The following UNC13C variants were observed in gnomAD, a reference collection of about 807,000 sequenced individuals.
The protein encoded by UNC13C is unc-13 homolog C, also known as protein unc-13 homolog C.
Under a neutral mutation model 245.4 loss-of-function variants are expected in UNC13C, and 174 were observed. The ratio of observed to expected loss-of-function variants is 0.71; its 90% CI spans 0.63 to 0.80. The LOEUF (loss-of-function observed/expected upper bound fraction) is 0.80, where lower values mean the gene tolerates loss of function less well. UNC13C is among the 30% of genes least tolerant of loss of function. The pLI is 0.00. For missense variants in UNC13C, 2,829 were observed against 2,602.9 expected, an observed-to-expected ratio of 1.09 and a Z score of -1.89; for synonymous variants, 992 against 895.1, an observed-to-expected ratio of 1.11 and a Z score of -1.93.
At chr15:54,416,997 C>G in intron 19 of UNC13C, 1 of 456,464 alleles carries the variant, frequency 2.2e-6, no homozygotes. Flanking sequence ...CTGACACCTC[C>G]TCAGAGAAGA....
chr15:54,382,387 G>T (rs1253113676), intron 17 of UNC13C, among the ~76,000 whole-genome samples: 1 of 152,044 alleles, frequency 6.6e-6, no homozygotes, highest in East Asian at 1.9e-4. Context: ...CCAGGAGTTT[G>T]AGACAAGCCT....
intron 30 of UNC13C, among the ~76,000 whole-genome samples, chr15:54,589,644 C>T (rs1898677020): frequency 6.6e-6 from 1 of 150,926 alleles, no homozygotes; most frequent in African/African-American, 2.5e-5. Flanking sequence ...ATGTCTTTAG[C>T]CCACTTTTTC....
At chr15:54,108,632 A>G (rs924257416) in intron 2 of UNC13C, among the ~76,000 whole-genome samples, 1 of 152,198 alleles carries the variant, frequency 6.6e-6, no homozygotes, top group Admixed American at 6.5e-5. Context: ...TTTTTCCCAT[A>G]GCACATAGAT....
intron 7 of UNC13C, 129 bp from the exon 8 acceptor site, chr15:54,250,096 A>G: frequency 1.2e-6 from 1 of 818,386 alleles, no homozygotes; most frequent in Non-Finnish European, 2.0e-6. Context: ...TCATGACTTG[A>G]ATCAGTGATC....
intron 17 of UNC13C, among the ~76,000 whole-genome samples, chr15:54,347,572 C>A (rs1472216864): frequency 6.6e-6 from 1 of 152,112 alleles, no homozygotes; most frequent in Non-Finnish European, 1.5e-5. Flanking sequence ...TAACTAAAAA[C>A]AGGAACAAAC....
intron 13 of UNC13C, among the ~76,000 whole-genome samples, chr15:54,300,977 C>T (rs1030691369): frequency 3.8e-5 from 5 of 130,174 alleles, no homozygotes; most frequent in African/African-American, 1.7e-4. Flanking sequence ...TGTGATACCA[C>T]AGAATTAACT....
chr15:54,625,409 A>T (rs1384611788), intron 32 of UNC13C, among the ~76,000 whole-genome samples: 2 of 152,148 alleles, frequency 1.3e-5, no homozygotes, highest in Non-Finnish European at 2.9e-5. Context: ...ATCAAAGATG[A>T]TCCCTAAGTT....
At chr15:54,062,800 AT>A (rs1897903788) in intron 2 of UNC13C, among the ~76,000 whole-genome samples, 1 of 152,174 alleles carries the variant, frequency 6.6e-6, no homozygotes, top group Non-Finnish European at 1.5e-5. Flanking sequence ...TCCTCCATAA[AT>A]TTTGGGACCT....
rs1468530323 is a variant in UNC13C at position 54,623,935 on chromosome 15, T to C, written c.6340T>C (p.Tyr2114His). 1 of 1,613,158 alleles carries C rather than the reference T, an allele frequency of 6.2e-7. No individual in the cohort carries two copies. The highest frequency in any genetic ancestry group is 8.5e-7 in the Non-Finnish European group (1 of 1,179,326). The part of the protein sequence containing the change: ...KTKSNTWSPK[Y>H]NETFQFILGK... ...AAAAAGCAACACATGGTCACCAAAG[T>C]ACAATGAAACATTTCAGTTGTAAGT... Residue 2114 changes from tyrosine to histidine, a missense_variant, in exon 32 of 33, where the codon TAC becomes CAC. Physicochemically the swap from Tyr to His is moderately conservative, Grantham distance 83. Transcript: ENST00000260323.
intron 8 of UNC13C, among the ~76,000 whole-genome samples, chr15:54,251,040 G>A (rs1246924146): frequency 1.3e-5 from 2 of 152,086 alleles, no homozygotes; most frequent in South Asian, 2.1e-4. Context: ...ACATAGGCGT[G>A]AGCCACCGCG....
intron 17 of UNC13C, among the ~76,000 whole-genome samples, chr15:54,358,406 G>A (rs1469031700): frequency 1.3e-5 from 2 of 151,960 alleles, no homozygotes; most frequent in Non-Finnish European, 2.9e-5. Flanking sequence ...CTCCCTTTGG[G>A]TAGTACAGAC....
Position 54,533,074 on chromosome 15 carries a change from T to G in UNC13C, c.5696+8T>G. 1 of 1,580,698 alleles carries G rather than the reference T, an allele frequency of 6.3e-7. No homozygotes were observed. The highest frequency in any genetic ancestry group is 8.6e-7 in the Non-Finnish European group (1 of 1,162,932). ...GGATTTTTTGGACAAAACGTAAGTTTTTTTGCCCAGTTTTCTCTTTACTTA... is the reference window on the plus strand; with the variant it reads ...GGATTTTTTGGACAAAACGTAAGTTGTTTTGCCCAGTTTTCTCTTTACTTA... On this transcript the variant is annotated splice_region_variant and intron_variant, in intron 26 of 32. Coordinates refer to ENST00000260323, the MANE Select transcript of UNC13C (RefSeq NM_001080534.3).
At chr15:54,240,914 A>T (rs1596067816) in intron 7 of UNC13C, among the ~76,000 whole-genome samples, 1 of 152,200 alleles carries the variant, frequency 6.6e-6, no homozygotes, top group Non-Finnish European at 1.5e-5. Flanking sequence ...AATTCAATAC[A>T]TGCTTATTGA....
intron 2 of UNC13C, among the ~76,000 whole-genome samples, chr15:54,053,541 T>C (rs1897364178): frequency 6.6e-6 from 1 of 152,208 alleles, no homozygotes; most frequent in Non-Finnish European, 1.5e-5. Context: ...ATGGGGTACA[T>C]GGCATATTTT....
At chr15:53,923,696 G>A in the UNC13C span, among the ~76,000 whole-genome samples, 101 of 152,340 alleles carry the variant, frequency 6.6e-4, no homozygotes, top group Admixed American at 1.7e-3. Flanking sequence ...GAGAGCATGG[G>A]ATATTGGGAG....
At chr15:54,467,231 T>G (rs1395207393) in intron 19 of UNC13C, among the ~76,000 whole-genome samples, 1 of 151,804 alleles carries the variant, frequency 6.6e-6, no homozygotes, top group African/African-American at 2.4e-5. Flanking sequence ...TCAAGAAGAA[T>G]TTTTCAGTAA....
chr15:54,537,205 C>T (rs1363194867), intron 26 of UNC13C, among the ~76,000 whole-genome samples: 2 of 151,924 alleles, frequency 1.3e-5, no homozygotes, highest in East Asian at 1.9e-4. Flanking sequence ...AGAGCCAAAT[C>T]GAGAACACAG....
intron 18 of UNC13C, among the ~76,000 whole-genome samples, chr15:54,394,042 A>G (rs1173545361): frequency 2.6e-5 from 4 of 151,932 alleles, no homozygotes. Context: ...TAGACAAACA[A>G]TGAAGTAGAA....
chr15:54,048,621 G>A (rs1897141921), intron 2 of UNC13C: 2 of 363,910 alleles, frequency 5.5e-6, no homozygotes, highest in East Asian at 6.4e-5. Context: ...TTCTGTCATA[G>A]TAATATTTTG....
Sources: gnomAD v4.1 joint callset for allele counts (sites outside exome capture counted in the v4.1 genomes callset) on GRCh38, gnomAD v4.1.1 for gene constraint, MANE v1.5 for transcripts, NCBI Gene and HGNC (gene_info 2026-07-23, HGNC 2026-07-21) for gene names.